Variants in CDH4 observed in about 807,000 individuals in gnomAD.
CDH4 encodes cadherin 4, also known as cadherin-4.
Under a neutral mutation model 86.0 loss-of-function variants are expected in CDH4, and 33 were observed. That is an observed-to-expected ratio of 0.38 (90% CI 0.29 to 0.51). The LOEUF is 0.51. CDH4 is among the 20% of genes least tolerant of loss of function. CDH4 has a pLI of 0.86. For synonymous variants in CDH4, 555 were observed against 549.4 expected (o/e 1.01, Z -0.14); for missense variants, 1,114 against 1,307.4 (o/e 0.85, Z 2.28).
intron 2 of CDH4, chr20:61,499,376 CCT>C: frequency 9.1e-7 from 1 of 1,098,474 alleles, no homozygotes; most frequent in Non-Finnish European, 1.2e-6. Flanking sequence ...CTTGCTCTGC[CCT>C]GTTAAAGGTT....
chr20:61,460,903 C>T (rs1168765252), intron 2 of CDH4, among the ~76,000 whole-genome samples: 1 of 152,196 alleles, frequency 6.6e-6, no homozygotes, highest in Admixed American at 6.5e-5. Flanking sequence ...CCTGGTGGCT[C>T]TCTTGCCAGC....
chr20:61,569,633 C>T (rs1231066398), intron 2 of CDH4, among the ~76,000 whole-genome samples: 4 of 152,188 alleles, frequency 2.6e-5, no homozygotes, highest in Non-Finnish European at 4.4e-5. Flanking sequence ...ACCAATGATA[C>T]GAGATTCATA....
At chr20:61,844,540 G>A in intron 4 of CDH4, 128 bp from the exon 5 acceptor site, 2 of 834,268 alleles carry the variant, frequency 2.4e-6, no homozygotes, top group South Asian at 2.1e-5. Context: ...AAGATCAGCT[G>A]TGGTCCCCAT....
chr20:61,622,344 A>T (rs1268804307), intron 2 of CDH4, among the ~76,000 whole-genome samples: 3 of 152,128 alleles, frequency 2.0e-5, no homozygotes, highest in African/African-American at 7.2e-5. Context: ...CCTGCTATGT[A>T]CTCCCTGGGG....
chr20:61,708,503 G>GT lies in CDH4; in HGVS notation c.170-35057dup, dbSNP rs1568768854. The stretch of plus-strand genomic sequence containing the variant: ...ACCCAATCCAGGCCCCGGGCTCCCA[G>GT]TTTGACACCCGGCCACACAGCCCTG... On this transcript the variant is annotated intron_variant, in intron 2 of 15. Coordinates refer to ENST00000614565, the MANE Select transcript of CDH4 (RefSeq NM_001794.5). This position sits in a 1 kb window ranked among gnomAD's most constrained non-coding sequence, Gnocchi z 4.5. 6.6e-6 allele frequency among the ~76,000 whole-genome samples: 1 copy of GT among 152,152 alleles called. No homozygotes were observed.
intron 4 of CDH4, among the ~76,000 whole-genome samples, chr20:61,820,396 C>T (rs545804291): frequency 1.1e-4 from 17 of 152,368 alleles, no homozygotes; most frequent in African/African-American, 4.1e-4. Context: ...CACGCAGCTG[C>T]GGGCCTCCGG....
chr20:61,587,562 G>A (rs558465268), intron 2 of CDH4, among the ~76,000 whole-genome samples: 80 of 152,190 alleles, frequency 5.3e-4, no homozygotes, highest in African/African-American at 1.8e-3. Context: ...AGCGCGGGGA[G>A]GTTAGGGCCC....
In CDH4 at chr20:61,647,525, T is replaced by TCTCTCTCTCTCTCTCTCTCTCTCTCTC. The variant is rs1444445171; in HGVS notation, c.170-96038_170-96037insCTCTCTCTCTCTCTCTCTCTCTCTCTC. Among the ~76,000 whole-genome samples, 14 of 69,850 alleles carry TCTCTCTCTCTCTCTCTCTCTCTCTCTC rather than the reference T, an allele frequency of 2.0e-4. 2 individuals are homozygous for TCTCTCTCTCTCTCTCTCTCTCTCTCTC. Among genetic ancestry groups the TCTCTCTCTCTCTCTCTCTCTCTCTCTC allele is most frequent in the African/African-American group, 3.7e-4 (7 of 19,042 alleles). 45.8% of individuals were successfully genotyped at this position (69,850 alleles called of 152,430 possible). On this transcript the variant is annotated intron_variant, in intron 2 of 15. Coordinates refer to ENST00000614565, the MANE Select transcript of CDH4 (RefSeq NM_001794.5). ...AAACACATCAGTATGCACACACATA[T>TCTCTCTCTCTCTCTCTCTCTCTCTCTC]TCTCTCTCCCTCTCCCTCTCCCTCT...
rs1309131631 is a variant in CDH4 at position 61,879,887 on chromosome 20, A to C, written c.1050+5987A>C. ...CTGAATCCGGCCTTCCGGTCCTATC[A>C]CAAGAGGACTATCACCTGGTCACCT... On this transcript the variant is annotated intron_variant, in intron 7 of 15. Coordinates refer to ENST00000614565, the MANE Select transcript of CDH4 (RefSeq NM_001794.5). The surrounding 1 kb of genome is among the most constrained non-coding windows in gnomAD (Gnocchi z 4.1). Among the ~76,000 whole-genome samples the C allele has an allele frequency of 6.6e-6, 1 of 152,122 alleles. No individual in the cohort carries two copies. Among genetic ancestry groups the C allele is most frequent in the African/African-American group, 2.4e-5 (1 of 41,434 alleles).
chr20:61,528,440 G>A (rs2145637098), intron 2 of CDH4, among the ~76,000 whole-genome samples: 1 of 113,642 alleles, frequency 8.8e-6, no homozygotes. Context: ...GGGGAAGGGA[G>A]GGGAGGGGGG....
At chr20:61,853,806 C>T (rs1982855871) in intron 6 of CDH4, among the ~76,000 whole-genome samples, 1 of 152,192 alleles carries the variant, frequency 6.6e-6, no homozygotes, top group Non-Finnish European at 1.5e-5. Flanking sequence ...CAGCTCCCCA[C>T]TGTGGCTGCC....
intron 8 of CDH4, among the ~76,000 whole-genome samples, chr20:61,908,807 G>A (rs1223986694): frequency 6.6e-6 from 1 of 152,208 alleles, no homozygotes; most frequent in Non-Finnish European, 1.5e-5. Flanking sequence ...GCAGGGTCCT[G>A]ACCATGGGAG....
In CDH4 at chr20:61,319,953, T is replaced by TAAA. The variant is rs5842349; in HGVS notation, c.169+65029_169+65031dup. Among the ~76,000 whole-genome samples, 25 of 145,394 alleles carry TAAA rather than the reference T, an allele frequency of 1.7e-4. No homozygotes were observed. The South Asian group carries it at 2.5e-3, about 14-fold the overall frequency. Reference sequence around the variant, plus strand: ...CTGGGTGACAGAGTAAGACTCCATCTAAAAAAAAAAAAAAATGGTGAATAG... The same window carrying TAAA: ...CTGGGTGACAGAGTAAGACTCCATCTAAAAAAAAAAAAAAAAAATGGTGAATAG... On this transcript the variant is annotated intron_variant, in intron 2 of 15. Transcript: ENST00000614565.
chr20:61,311,922 C>T (rs1294606080), intron 2 of CDH4, among the ~76,000 whole-genome samples: 1 of 152,280 alleles, frequency 6.6e-6, no homozygotes, highest in Non-Finnish European at 1.5e-5. Context: ...ACCTGTTCCT[C>T]CTGTGCCCGA....
intron 2 of CDH4, among the ~76,000 whole-genome samples, chr20:61,325,546 C>G (rs1257028430): frequency 1.3e-5 from 2 of 150,868 alleles, no homozygotes; most frequent in African/African-American, 2.4e-5. Context: ...GTGGCCTTTT[C>G]ATCAGGTGGG....
At chr20:61,926,149 A>G (rs2055042138) in intron 11 of CDH4, among the ~76,000 whole-genome samples, 2 of 152,214 alleles carry the variant, frequency 1.3e-5, no homozygotes, top group Admixed American at 1.3e-4. Context: ...GCTGGGAGAA[A>G]ACAAAACAGG....
intron 3 of CDH4, among the ~76,000 whole-genome samples, chr20:61,747,307 G>A (rs1315062991): frequency 3.3e-5 from 5 of 152,018 alleles, no homozygotes; most frequent in African/African-American, 4.8e-5. Flanking sequence ...AATTAGCCGG[G>A]CGTAGTGGCA....
chr20:61,895,063 C>A lies in CDH4; in HGVS notation c.1188+16C>A. 2 of 1,612,310 alleles carry A rather than the reference C, an allele frequency of 1.2e-6. No individual in the cohort carries two copies. Among genetic ancestry groups the A allele is most frequent in the Non-Finnish European group, 1.7e-6 (2 of 1,179,222 alleles). ...CGCCAGCACGGTGAGTCCCTCGAAGCTGCCCAGTGACGCATGGCCCGTGCA... is the reference window on the plus strand; with the variant it reads ...CGCCAGCACGGTGAGTCCCTCGAAGATGCCCAGTGACGCATGGCCCGTGCA... On this transcript the variant is annotated intron_variant, in intron 8 of 15. Coordinates refer to ENST00000614565, the MANE Select transcript of CDH4 (RefSeq NM_001794.5).
intron 2 of CDH4, among the ~76,000 whole-genome samples, chr20:61,537,138 TC>T (rs1312939710): frequency 3.3e-5 from 5 of 152,150 alleles, no homozygotes; most frequent in Admixed American, 2.0e-4. Context: ...AAGGCTGAGG[TC>T]TACATCATTG....
Sources: gnomAD v4.1 joint callset for allele counts (sites outside exome capture counted in the v4.1 genomes callset) on GRCh38, gnomAD v4.1.1 for gene constraint, Gnocchi (gnomAD v3.1) non-coding constraint, MANE v1.5 for transcripts, NCBI Gene and HGNC (gene_info 2026-07-23, HGNC 2026-07-21) for gene names.